The following LAMC1 variants were observed in gnomAD, a reference collection of about 807,000 sequenced individuals.
LAMC1 encodes the protein laminin subunit gamma-1.
A neutral mutation model predicts 173.6 loss-of-function variants in LAMC1; 38 were observed. The ratio of observed to expected loss-of-function variants is 0.22; its 90% CI spans 0.17 to 0.29. The LOEUF is 0.29. Ranked by LOEUF, LAMC1 falls within the 10% of genes least tolerant of loss-of-function variation. The pLI, the probability that LAMC1 is intolerant of heterozygous loss-of-function variation, is 1.00. For missense variants in LAMC1, 1,824 were observed against 2,051.8 expected (o/e 0.89, Z 2.14); for synonymous variants, 746 against 749.1 (o/e 1.00, Z 0.07).
rs374634622 is a variant in LAMC1, at chr1:183,103,408, C to A, written c.499C>A (p.Arg167=). The change falls in exon 2 of 28, where the codon CGG becomes AGG. Residue 167 remains arginine, a synonymous_variant. Transcript: ENST00000258341. The part of the protein sequence containing the change: ...PESFAIYKRT[R]EDGPWIPYQY... ...GAGCTTTGCCATTTACAAGCGCACA[C>A]GGGAAGACGGGCCCTGGATTCCTTA... is the stretch of plus-strand genomic sequence containing the variant. The A allele has an allele frequency of 6.2e-7, 1 of 1,614,052 alleles. No homozygotes were observed. The highest frequency in any genetic ancestry group is 8.5e-7 in the Non-Finnish European group (1 of 1,180,032).
rs1023981907 is a variant in LAMC1, at chr1:183,144,652, G to A, written c.*1862G>A. The A allele has an allele frequency of 1.3e-5, 2 of 152,220 alleles. No homozygotes were observed. Among genetic ancestry groups the A allele is most frequent in the South Asian group, 4.1e-4 (2 of 4,820 alleles). 9.4% of individuals were successfully genotyped at this position (152,220 alleles called of 1,614,324 possible). ...ACGCCAGGTTGACAAGCTATGGTAG[G>A]ATTAGGAAAGTTTGCTGAAGAGGAT... On this transcript the variant is annotated 3_prime_UTR_variant, in exon 28 of 28. Transcript: ENST00000258341.
chr1:183,119,614 A>T (rs887970403), intron 11 of LAMC1, among the ~76,000 whole-genome samples: 14 of 152,172 alleles, frequency 9.2e-5, no homozygotes, highest in African/African-American at 3.4e-4. Context: ...GCATGCCTGT[A>T]GTCCCAGCTT....
intron 26 of LAMC1, among the ~76,000 whole-genome samples, 159 bp from the exon 27 acceptor site, chr1:183,140,245 C>CAAAAAAAAAA (rs56152259): frequency 0.1 from 5,399 of 52,456 alleles, 1,003 homozygotes; most frequent in East Asian, 0.25. Context: ...GCAGCCCCAC[C>CAAAAAAAAAA]AAAAAAAAAA....
At chr1:183,107,042 C>G (rs1655994868) in intron 2 of LAMC1, among the ~76,000 whole-genome samples, 2 of 152,142 alleles carry the variant, frequency 1.3e-5, no homozygotes, top group Admixed American at 1.3e-4. Flanking sequence ...AAACATCTGC[C>G]TAAAATTAGC....
intron 1 of LAMC1, among the ~76,000 whole-genome samples, chr1:183,064,522 A>G (rs541974669): frequency 4.3e-4 from 65 of 152,338 alleles, no homozygotes; most frequent in Non-Finnish European, 6.2e-4. Context: ...AGTTATATGT[A>G]TATTTTTAAA....
chr1:183,027,183 C>CCAGGGTG (rs749205940), intron 1 of LAMC1, among the ~76,000 whole-genome samples: 17 of 152,132 alleles, frequency 1.1e-4, no homozygotes, highest in Non-Finnish European at 2.4e-4. Flanking sequence ...ACACAGTCAT[C>CCAGGGTG]CAGGGTGCAG....
chr1:183,119,551 T>C (rs1257576718), intron 11 of LAMC1, among the ~76,000 whole-genome samples: 1 of 152,114 alleles, frequency 6.6e-6, no homozygotes, highest in African/African-American at 2.4e-5. Flanking sequence ...AAGGGCAACA[T>C]GGCGAAACCA....
At position 183,118,055 on chromosome 1, in the gene LAMC1, CCCTTGGAGG is replaced by C. The variant is rs1240470117; in HGVS notation, c.1903_1911del (p.Trp635_Pro637del). On this transcript the variant is annotated inframe_deletion, in exon 11 of 28. Transcript: ENST00000258341. The stretch of plus-strand genomic sequence containing the variant: ...CCAGGCTCCATGAAGCAACAGATTA[CCCTTGGAGG>C]CCTGCTCTTACCCCTTTTGAATTTC... The C allele has an allele frequency of 2.5e-6, 4 of 1,612,302 alleles. No homozygotes were observed. Among genetic ancestry groups the C allele is most frequent in the Non-Finnish European group, 3.4e-6 (4 of 1,178,552 alleles).
At chr1:183,031,769 C>T (rs1653855630) in intron 1 of LAMC1, among the ~76,000 whole-genome samples, 1 of 152,112 alleles carries the variant, frequency 6.6e-6, no homozygotes, top group African/African-American at 2.4e-5. Flanking sequence ...ATTAATGTTT[C>T]TTCAAGTTGT....
intron 5 of LAMC1, among the ~76,000 whole-genome samples, 196 bp downstream of exon 5, chr1:183,114,915 C>G (rs1414907519): frequency 6.6e-6 from 1 of 152,156 alleles, no homozygotes; most frequent in East Asian, 1.9e-4. Flanking sequence ...AGATGAGTTT[C>G]TGGTGTGTAA....
At chr1:183,136,074 C>T (rs1270504918) in intron 24 of LAMC1, among the ~76,000 whole-genome samples, 2 of 152,148 alleles carry the variant, frequency 1.3e-5, no homozygotes, top group African/African-American at 4.8e-5. Flanking sequence ...ACCCGACACA[C>T]AGTAAACACT....
Position 183,145,070 on chromosome 1 carries a change from G to T in LAMC1, c.*2280G>T, listed in dbSNP as rs541424968. On this transcript the variant is annotated 3_prime_UTR_variant, in exon 28 of 28. Transcript: ENST00000258341. ...CATCCTAACATATGCATTTGGTCAA[G>T]GTTGCAGAAGAGGACTGAAGATTGA... 6.6e-5 allele frequency: 10 copies of T among 152,260 alleles called. No homozygotes were observed. The South Asian group carries it at 2.1e-3, about 32-fold the overall frequency. The allele number at this position is 152,260 out of a possible 1,614,324, so 9.4% of individuals were successfully genotyped here.
At chr1:183,028,683 T>G (rs941149735) in intron 1 of LAMC1, among the ~76,000 whole-genome samples, 1 of 152,266 alleles carries the variant, frequency 6.6e-6, no homozygotes, top group Non-Finnish European at 1.5e-5. Flanking sequence ...TAAAATTTCA[T>G]GTATACCCTG....
intron 1 of LAMC1, among the ~76,000 whole-genome samples, chr1:183,087,285 A>G (rs748287012): frequency 4.6e-5 from 7 of 152,212 alleles, no homozygotes; most frequent in Admixed American, 6.5e-5. Context: ...TCGTTCTTCT[A>G]TTGGGTTGCT....
At chr1:183,089,542 A>G (rs1037428030) in intron 1 of LAMC1, among the ~76,000 whole-genome samples, 2 of 152,218 alleles carry the variant, frequency 1.3e-5, no homozygotes, top group African/African-American at 4.8e-5. Context: ...TTTGATATTT[A>G]TCTGCCAAAC....
intron 1 of LAMC1, among the ~76,000 whole-genome samples, chr1:183,065,208 C>T (rs1324212232): frequency 1.2e-4 from 18 of 152,132 alleles, no homozygotes; most frequent in Admixed American, 1.2e-3. Flanking sequence ...TTTATAGGAA[C>T]ACCATCTTAT....
At chr1:183,127,134 G>A (rs1467722833) in intron 16 of LAMC1, 92 bp from the exon 17 acceptor site, 1 of 1,216,362 alleles carries the variant, frequency 8.2e-7, no homozygotes, top group African/African-American at 1.5e-5. Flanking sequence ...AGTATAGTCA[G>A]CTTATAGTCA....
intron 3 of LAMC1, among the ~76,000 whole-genome samples, chr1:183,110,054 C>T (rs1051504490): frequency 1.3e-5 from 2 of 152,168 alleles, no homozygotes; most frequent in African/African-American, 4.8e-5. Context: ...TTCCCAATAA[C>T]CTTATGAAAT....
At position 183,136,570 on chromosome 1, in the gene LAMC1, G is replaced by A. The variant is rs20561; in HGVS notation, c.4299G>A (p.Ala1433=). The A allele has an allele frequency of 0.41, 663,083 of 1,605,516 alleles. 139,875 individuals carry two copies. The highest frequency in any genetic ancestry group is 0.46 in the East Asian group (20,522 of 44,654). The part of the protein sequence containing the change: ...KNKAHEAERI[A]SAVQKNATST... Reference sequence around the variant, plus strand: ...AGGCCCATGAGGCGGAGAGGATCGCGAGCGCTGTCCAAAAGGTGTGCGTTT... The same window carrying A: ...AGGCCCATGAGGCGGAGAGGATCGCAAGCGCTGTCCAAAAGGTGTGCGTTT... The change falls in exon 25 of 28, where the codon GCG becomes GCA. Residue 1433 remains alanine (A), a synonymous_variant. Transcript: ENST00000258341.
Sources: allele counts gnomAD v4.1 joint callset (sites outside exome capture counted in the v4.1 genomes callset), GRCh38; gene constraint gnomAD v4.1.1; transcripts MANE v1.5; gene names NCBI Gene and HGNC (gene_info 2026-07-23, HGNC 2026-07-21).